PKHD1: variants seen among roughly 807,000 people sequenced by gnomAD.
The protein encoded by PKHD1 is PKHD1 ciliary IPT domain containing fibrocystin/polyductin, also known as fibrocystin.
PKHD1 carries 291 observed loss-of-function variants against 412.0 expected under a neutral mutation model. The ratio of observed to expected loss-of-function variants is 0.71; its 90% confidence interval spans 0.64 to 0.78. The LOEUF (loss-of-function observed/expected upper bound fraction) is 0.78. Ranked by LOEUF, PKHD1 falls within the 30% of genes least tolerant of loss-of-function variation. PKHD1 has a pLI of 0.00. For missense variants in PKHD1, 4,825 were observed against 4,950.7 expected (o/e 0.97, Z 0.76); for synonymous variants, 1,777 against 1,821.5 (o/e 0.98, Z 0.62).
intron 11 of PKHD1, among the ~76,000 whole-genome samples, 153 bp from the exon 12 acceptor site, chr6:52,066,230 A>T (rs1262327221): frequency 1.3e-5 from 2 of 152,238 alleles, no homozygotes; most frequent in African/African-American, 2.4e-5. Context: ...ATAACTATTT[A>T]AAAATGCACA....
chr6:51,710,847 A>G (rs953616392), intron 60 of PKHD1, among the ~76,000 whole-genome samples: 12 of 152,214 alleles, frequency 7.9e-5, no homozygotes, highest in Admixed American at 6.5e-5. Flanking sequence ...CTAGAGATAC[A>G]CAGCTAGTAT....
chr6:52,027,641 G>A (rs1038953566), intron 31 of PKHD1, among the ~76,000 whole-genome samples, 188 bp downstream of exon 31: 1 of 151,304 alleles, frequency 6.6e-6, no homozygotes, highest in South Asian at 2.1e-4. Context: ...TTAATTTCCT[G>A]AGCAAATGAA....
intron 4 of PKHD1, 72 bp from the exon 5 acceptor site, chr6:52,080,080 C>A (rs1462325441): frequency 1.1e-6 from 1 of 875,424 alleles, no homozygotes. Flanking sequence ...CCACTTGCCA[C>A]TTCAAATTTC....
At chr6:51,619,587 T>C in intron 66 of PKHD1, 67 bp from the exon 67 acceptor site, 4 of 1,265,100 alleles carry the variant, frequency 3.2e-6, no homozygotes, top group Non-Finnish European at 4.6e-6. Context: ...ACATTTTGCA[T>C]ACTTAGCATT....
intron 37 of PKHD1, among the ~76,000 whole-genome samples, chr6:51,912,979 G>A (rs1313323502): frequency 6.6e-6 from 1 of 151,986 alleles, no homozygotes; most frequent in Non-Finnish European, 1.5e-5. Flanking sequence ...CCATCATAGG[G>A]TTTTGGAAGG....
At chr6:51,896,483 G>A (rs1780036180) in intron 43 of PKHD1, among the ~76,000 whole-genome samples, 1 of 152,020 alleles carries the variant, frequency 6.6e-6, no homozygotes, top group Non-Finnish European at 1.5e-5. Context: ...CTAACAAACA[G>A]AAAGGACATC....
Position 51,994,957 on chromosome 6 carries a change from G to C in PKHD1, c.5751+15352C>G, listed in dbSNP as rs115840851. 6.2e-3 allele frequency among the ~76,000 whole-genome samples: 946 copies of C among 152,230 alleles called. 16 individuals are homozygous for C. Among genetic ancestry groups the C allele is most frequent in the African/African-American group, 0.021 (877 of 41,518 alleles). On this transcript the variant is annotated intron_variant, in intron 35 of 66. Transcript: ENST00000371117. ...AAGCCTTGAATTAGGACTTAGATCA[G>C]CCAATCTCAGACCACTATATCATAC...
chr6:51,770,789 T>A (rs1372962750), intron 55 of PKHD1, among the ~76,000 whole-genome samples: 1 of 152,112 alleles, frequency 6.6e-6, no homozygotes, highest in African/African-American at 2.4e-5. Flanking sequence ...ATCTGATAAT[T>A]TTGAATGGTG....
At chr6:51,873,307 A>T (rs1284719087) in intron 46 of PKHD1, among the ~76,000 whole-genome samples, 2 of 152,218 alleles carry the variant, frequency 1.3e-5, no homozygotes, top group Non-Finnish European at 2.9e-5. Context: ...GACCAACTTA[A>T]AAAACAGGAG....
intron 28 of PKHD1, among the ~76,000 whole-genome samples, chr6:52,033,848 G>A (rs1455046742): frequency 6.6e-6 from 1 of 152,104 alleles, no homozygotes; most frequent in Non-Finnish European, 1.5e-5. Context: ...AGACATGTTA[G>A]CCAGGCACAG....
chr6:51,942,608 A>G (rs1788766311), intron 36 of PKHD1, among the ~76,000 whole-genome samples: 1 of 151,040 alleles, frequency 6.6e-6, no homozygotes, highest in East Asian at 1.9e-4. Flanking sequence ...GACCCCCATG[A>G]CTTATCTCTC....
intron 37 of PKHD1, among the ~76,000 whole-genome samples, chr6:51,929,566 C>T (rs1367839433): frequency 6.6e-6 from 1 of 152,170 alleles, no homozygotes; most frequent in Non-Finnish European, 1.5e-5. Flanking sequence ...CACTCCCACA[C>T]ATGTGCCTGT....
intron 25 of PKHD1, 142 bp from the exon 26 acceptor site, chr6:52,043,872 T>C (rs762903866): frequency 1.7e-4 from 109 of 645,904 alleles, no homozygotes; most frequent in Admixed American, 4.2e-4. Flanking sequence ...TTTCCAGTAA[T>C]TAATCTTAAA....
intron 65 of PKHD1, among the ~76,000 whole-genome samples, chr6:51,631,357 G>T (rs1767901027): frequency 6.6e-6 from 1 of 152,170 alleles, no homozygotes; most frequent in Non-Finnish European, 1.5e-5. Flanking sequence ...CTGCCTTGTA[G>T]TTAGTCCAGT....
chr6:51,810,215 T>C (rs564977602), intron 52 of PKHD1, among the ~76,000 whole-genome samples: 1 of 152,230 alleles, frequency 6.6e-6, no homozygotes, highest in Admixed American at 6.6e-5. Flanking sequence ...CCCTACAAAA[T>C]TCACTCGATA....
chr6:51,699,591 C>T (rs899186416), intron 60 of PKHD1, among the ~76,000 whole-genome samples: 3 of 152,016 alleles, frequency 2.0e-5, no homozygotes, highest in African/African-American at 7.2e-5. Flanking sequence ...ACAACCTGGA[C>T]CAGGGCTGCC....
At chr6:52,078,952 A>T (rs1811675236) in intron 5 of PKHD1, among the ~76,000 whole-genome samples, 1 of 152,220 alleles carries the variant, frequency 6.6e-6, no homozygotes, top group African/African-American at 2.4e-5. Flanking sequence ...GCAAATTCCA[A>T]ATTTCAAAAC....
rs756976390 is a variant in PKHD1 at position 51,683,793 on chromosome 6, AT to A, written c.10157-23825del. On this transcript the variant is annotated intron_variant, in intron 60 of 66. Coordinates refer to ENST00000371117, the MANE Select transcript of PKHD1 (RefSeq NM_138694.4). ...ATTGATTTTATACTATTTATTGACC[AT>A]TTGCCATTATCCTGATAATGAATTC... Among the ~76,000 whole-genome samples, 2 of 152,060 alleles carry A rather than the reference AT, an allele frequency of 1.3e-5. 1 individual carries two copies. Among genetic ancestry groups the A allele is most frequent in the Admixed American group, 1.3e-4 (2 of 15,222 alleles).
Position 51,659,090 on chromosome 6 carries a change from GA to G in PKHD1, c.11035del (p.Ser3679HisfsTer24), listed in dbSNP as rs1265300115. The G allele has an allele frequency of 1.2e-6, 2 of 1,613,832 alleles. No homozygotes were observed. Reference sequence around the variant, plus strand: ...CTGTAATTTGTTACTTGATAAGGATGAAATCATTCCAGTGCTCCTTACTGTT... The same window carrying G: ...CTGTAATTTGTTACTTGATAAGGATGAATCATTCCAGTGCTCCTTACTGTT... Reference protein sequence around the residue: ...SPTVRSTGMISSLSSNKLQNL... With the variant: ...SPTVRSTGMIXSLSSNKLQNL... On this transcript the variant is annotated frameshift_variant, in exon 61 of 67. Coordinates refer to ENST00000371117, the MANE Select transcript of PKHD1 (RefSeq NM_138694.4). LOFTEE classifies it high-confidence loss of function.
Sources: gnomAD v4.1 joint callset for allele counts (sites outside exome capture counted in the v4.1 genomes callset) on GRCh38, gnomAD v4.1.1 for gene constraint, MANE v1.5 for transcripts, NCBI Gene and HGNC (gene_info 2026-07-23, HGNC 2026-07-21) for gene names.